PRKCE: variants seen among roughly 807,000 people sequenced by gnomAD.
PRKCE encodes the protein protein kinase C epsilon.
In PRKCE, 16 loss-of-function variants were observed where a neutral mutation model predicts 85.4. The observed-to-expected ratio is 0.19, with a 90% CI of 0.13 to 0.28. The LOEUF is 0.28. PRKCE is among the 10% of genes least tolerant of loss of function. The probability of loss-of-function intolerance (pLI) is 1.00; values close to 1 mark genes in which losing one functional copy is unlikely to be tolerated. For missense variants in PRKCE, 573 were observed against 975.2 expected (o/e 0.59, Z 5.49); for synonymous variants, 388 against 371.5 (o/e 1.04, Z -0.51).
chr2:46,082,030 G>T (rs1352899608), intron 10 of PRKCE, among the ~76,000 whole-genome samples: 2 of 152,146 alleles, frequency 1.3e-5, no homozygotes, highest in Non-Finnish European at 2.9e-5. Flanking sequence ...GGGAGGCGAG[G>T]TTGCAGTGAG....
intron 1 of PRKCE, among the ~76,000 whole-genome samples, chr2:45,768,554 A>G (rs1685084511): frequency 6.6e-6 from 1 of 151,996 alleles, no homozygotes; most frequent in Non-Finnish European, 1.5e-5. Context: ...GGTAGGGGAG[A>G]GTTAGGAGGG....
chr2:45,692,616 A>T (rs78914075), intron 1 of PRKCE, among the ~76,000 whole-genome samples: 1 of 152,216 alleles, frequency 6.6e-6, no homozygotes, highest in East Asian at 1.9e-4. Flanking sequence ...TGTCCTCAAG[A>T]TGCTTCCAAT....
At chr2:45,710,350 C>A (rs934190904) in intron 1 of PRKCE, among the ~76,000 whole-genome samples, 2 of 152,204 alleles carry the variant, frequency 1.3e-5, no homozygotes, top group Admixed American at 6.5e-5. Context: ...AAAGTCCATA[C>A]CCTTGCCCAC....
chr2:45,935,067 T>A (rs56741234), intron 2 of PRKCE, among the ~76,000 whole-genome samples: 15,923 of 146,186 alleles, frequency 0.11, 1,478 homozygotes, highest in African/African-American at 0.26. Context: ...ACTCTCTCTC[T>A]CACACACACA....
At chr2:46,039,422 T>C (rs1351624884) in intron 10 of PRKCE, among the ~76,000 whole-genome samples, 3 of 152,162 alleles carry the variant, frequency 2.0e-5, no homozygotes, top group Non-Finnish European at 2.9e-5. Flanking sequence ...TCTCCATATG[T>C]ATATTCCAAA....
chr2:46,161,143 G>T (rs986696375), intron 14 of PRKCE, among the ~76,000 whole-genome samples: 1 of 152,204 alleles, frequency 6.6e-6, no homozygotes, highest in South Asian at 2.1e-4. Context: ...AGCTCCCTGG[G>T]TTAACTGTCC....
intron 2 of PRKCE, among the ~76,000 whole-genome samples, chr2:45,846,855 T>A (rs1004289283): frequency 1.3e-5 from 2 of 152,212 alleles, no homozygotes; most frequent in Non-Finnish European, 2.9e-5. Flanking sequence ...TTTGGTACAG[T>A]GCCCTCGCAT....
intron 1 of PRKCE, among the ~76,000 whole-genome samples, chr2:45,804,444 G>T (rs898262003): frequency 2.6e-5 from 4 of 152,198 alleles, no homozygotes; most frequent in Non-Finnish European, 4.4e-5. Flanking sequence ...GCCTTCCAGG[G>T]TTGAGAGCTC....
chr2:46,042,452 C>G (rs560049767), intron 10 of PRKCE, among the ~76,000 whole-genome samples: 1 of 152,308 alleles, frequency 6.6e-6, no homozygotes, highest in Non-Finnish European at 1.5e-5. Flanking sequence ...AGGTTAGAGT[C>G]CAAGATTCTG....
intron 10 of PRKCE, among the ~76,000 whole-genome samples, chr2:46,071,645 G>C (rs1203318078): frequency 6.6e-6 from 1 of 152,206 alleles, no homozygotes; most frequent in Non-Finnish European, 1.5e-5. Context: ...TGCCCAAACA[G>C]GGACTGACTA....
At chr2:45,781,209 T>A (rs980355259) in intron 1 of PRKCE, among the ~76,000 whole-genome samples, 4 of 151,544 alleles carry the variant, frequency 2.6e-5, no homozygotes, top group African/African-American at 9.7e-5. Flanking sequence ...GTGTGGAGTA[T>A]GTCTGTGATC....
intron 1 of PRKCE, among the ~76,000 whole-genome samples, chr2:45,653,370 G>GTT (rs34888247): frequency 0.19 from 11,863 of 61,200 alleles, 1,900 homozygotes; most frequent in Admixed American, 0.25. Flanking sequence ...TTTTTGGGTT[G>GTT]TTTTTTTTTT....
Position 45,905,677 on chromosome 2 carries a change from G to T in PRKCE, c.412+62614G>T, listed in dbSNP as rs1201727957. On this transcript the variant is annotated intron_variant, in intron 2 of 14. Coordinates refer to ENST00000306156, the MANE Select transcript of PRKCE (RefSeq NM_005400.3). This position sits in a 1 kb window ranked among gnomAD's most constrained non-coding sequence, Gnocchi z 4.4. The stretch of plus-strand genomic sequence containing the variant: ...AGCTGGGGAACCTCTGATGCTGGGA[G>T]GGTGGATGCCAGGTGGTGGAACACT... Among the ~76,000 whole-genome samples the T allele has an allele frequency of 1.3e-5, 2 of 152,216 alleles. No homozygotes were observed. Among genetic ancestry groups the T allele is most frequent in the African/African-American group, 4.8e-5 (2 of 41,468 alleles).
intron 1 of PRKCE, among the ~76,000 whole-genome samples, chr2:45,794,543 G>A (rs774180306): frequency 6.6e-6 from 1 of 152,106 alleles, no homozygotes; most frequent in Non-Finnish European, 1.5e-5. Context: ...GGCTTTCTGT[G>A]GTTTCAAGCG....
intron 2 of PRKCE, among the ~76,000 whole-genome samples, chr2:45,972,612 T>G (rs549775950): frequency 6.6e-6 from 1 of 152,244 alleles, no homozygotes; most frequent in Non-Finnish European, 1.5e-5. Context: ...CATTTAAGTA[T>G]TCAATCCACG....
chr2:45,978,757 C>G (rs749296452), intron 3 of PRKCE: 9 of 531,932 alleles, frequency 1.7e-5, no homozygotes, highest in Middle Eastern at 5.1e-4. Context: ...CTGATGCTGA[C>G]CAAACCTTGC....
In PRKCE at chr2:45,802,866, A is replaced by G. The variant is rs561510066; in HGVS notation, c.349-40134A>G. On this transcript the variant is annotated intron_variant, in intron 1 of 14. Coordinates refer to ENST00000306156, the MANE Select transcript of PRKCE (RefSeq NM_005400.3). Reference sequence around the variant, plus strand: ...ATCATATGGTGCTTTAAGATTTTCTAGGACCATCTTGATTATTATTCAGTG... The same window carrying G: ...ATCATATGGTGCTTTAAGATTTTCTGGGACCATCTTGATTATTATTCAGTG... Among the ~76,000 whole-genome samples the G allele has an allele frequency of 3.9e-5, 6 of 152,352 alleles. No individual in the cohort carries two copies. The East Asian group carries it at 1.2e-3, about 29-fold the overall frequency.
At chr2:46,101,972 C>T (rs1671282180) in intron 11 of PRKCE, among the ~76,000 whole-genome samples, 1 of 151,962 alleles carries the variant, frequency 6.6e-6, no homozygotes. Context: ...GTTGAACAAC[C>T]AGCTCACAAA....
intron 1 of PRKCE, among the ~76,000 whole-genome samples, chr2:45,660,083 C>G (rs1208238484): frequency 1.3e-5 from 2 of 151,672 alleles, no homozygotes; most frequent in Non-Finnish European, 2.9e-5. Flanking sequence ...TGAATGAACA[C>G]AAAACAAGTG....
Sources: gnomAD v4.1 joint callset for allele counts (sites outside exome capture counted in the v4.1 genomes callset) on GRCh38, gnomAD v4.1.1 for gene constraint, Gnocchi (gnomAD v3.1) non-coding constraint, MANE v1.5 for transcripts, NCBI Gene and HGNC (gene_info 2026-07-23, HGNC 2026-07-21) for gene names.